SGCZ: variants seen among roughly 807,000 people sequenced by gnomAD.
The protein encoded by SGCZ is sarcoglycan zeta.
In SGCZ, 40 loss-of-function variants were observed where a neutral mutation model predicts 41.3. The observed-to-expected ratio is 0.97, with a 90% CI of 0.75 to 1.26. The LOEUF (loss-of-function observed/expected upper bound fraction) is 1.26, where lower values mean the gene tolerates loss of function less well. SGCZ is among the 50% of genes most tolerant of loss of function. The pLI is 0.00. For synonymous variants in SGCZ, 206 were observed against 137.5 expected (o/e 1.50, Z -3.49); for missense variants, 552 against 369.8 (o/e 1.49, Z -4.04).
chr8:14,194,088 G>A (rs1287010268), intron 4 of SGCZ, among the ~76,000 whole-genome samples: 1 of 151,594 alleles, frequency 6.6e-6, no homozygotes, highest in Admixed American at 6.6e-5. Flanking sequence ...GAAACATTCT[G>A]TGAAAAACTA....
intron 1 of SGCZ, among the ~76,000 whole-genome samples, chr8:15,066,035 G>A (rs1010363139): frequency 2.0e-5 from 3 of 152,004 alleles, no homozygotes; most frequent in Non-Finnish European, 2.9e-5. Context: ...TGGGCCGGGC[G>A]CGGTGGCTCA....
At chr8:14,756,271 C>T (rs544545718) in intron 1 of SGCZ, among the ~76,000 whole-genome samples, 7 of 151,514 alleles carry the variant, frequency 4.6e-5, no homozygotes, top group Admixed American at 2.6e-4. Flanking sequence ...CCACAATCTC[C>T]GCCTCCCACG....
At chr8:14,273,421 C>A (rs974726963) in intron 3 of SGCZ, among the ~76,000 whole-genome samples, 2 of 152,100 alleles carry the variant, frequency 1.3e-5, no homozygotes, top group African/African-American at 2.4e-5. Flanking sequence ...ATTTCTCCCA[C>A]ACAAATATCC....
intron 1 of SGCZ, among the ~76,000 whole-genome samples, chr8:14,693,662 C>A (rs755598363): frequency 1.4e-5 from 2 of 142,654 alleles, no homozygotes; most frequent in Non-Finnish European, 3.0e-5. Context: ...GCGATCTCAG[C>A]TCACTGCAAG....
intron 1 of SGCZ, among the ~76,000 whole-genome samples, chr8:14,899,235 A>C (rs17120501): frequency 0.054 from 8,264 of 152,172 alleles, 277 homozygotes; most frequent in Admixed American, 0.079. Context: ...TATCCACTTT[A>C]TTAACTTGCA....
chr8:14,358,446 C>T (rs1225706205), intron 2 of SGCZ, among the ~76,000 whole-genome samples: 3 of 151,928 alleles, frequency 2.0e-5, no homozygotes, highest in Non-Finnish European at 4.4e-5. Context: ...TTACTGTCAC[C>T]AGATGGTAAC....
chr8:14,853,997 G>A (rs1180080489), intron 1 of SGCZ, among the ~76,000 whole-genome samples: 3 of 131,918 alleles, frequency 2.3e-5, no homozygotes, highest in Admixed American at 8.3e-5. Flanking sequence ...ATTTTGTAAC[G>A]ACATCAGTTT....
chr8:14,765,416 G>T (rs1051687185), intron 1 of SGCZ, among the ~76,000 whole-genome samples: 1 of 152,116 alleles, frequency 6.6e-6, no homozygotes, highest in Admixed American at 6.6e-5. Flanking sequence ...ATATGCTATA[G>T]AGATGAGGCC....
intron 3 of SGCZ, among the ~76,000 whole-genome samples, chr8:14,300,323 A>G (rs904778936): frequency 6.6e-6 from 1 of 151,556 alleles, no homozygotes; most frequent in Admixed American, 6.6e-5. Context: ...GGAAAGAACA[A>G]AGAGAGAGAC....
chr8:15,047,126 T>A (rs984620055), intron 1 of SGCZ, among the ~76,000 whole-genome samples: 1 of 152,036 alleles, frequency 6.6e-6, no homozygotes, highest in Non-Finnish European at 1.5e-5. Flanking sequence ...TTACCTTGGG[T>A]ATATGCAATG....
chr8:14,182,585 C>T (rs537060337), intron 4 of SGCZ, among the ~76,000 whole-genome samples: 8 of 151,590 alleles, frequency 5.3e-5, no homozygotes, highest in Admixed American at 6.6e-5. Flanking sequence ...TATTATAGTA[C>T]GAAGGTTTTC....
intron 1 of SGCZ, among the ~76,000 whole-genome samples, chr8:14,703,349 CCTT>C (rs1186087153): frequency 6.6e-6 from 1 of 151,862 alleles, no homozygotes; most frequent in African/African-American, 2.4e-5. Flanking sequence ...GTGTGTGTTC[CCTT>C]CTTTGCCTGG....
At chr8:14,336,203 A>G (rs984646747) in intron 2 of SGCZ, among the ~76,000 whole-genome samples, 1 of 152,122 alleles carries the variant, frequency 6.6e-6, no homozygotes, top group Non-Finnish European at 1.5e-5. Flanking sequence ...TGCTAAGGAT[A>G]ATGGCCTCTA....
chr8:14,397,844 T>C (rs1047311621), intron 2 of SGCZ, among the ~76,000 whole-genome samples: 5 of 152,152 alleles, frequency 3.3e-5, no homozygotes, highest in Non-Finnish European at 7.4e-5. Context: ...TCTAAGATTG[T>C]CAACCCTGAG....
chr8:14,828,706 G>T (rs1490080873), intron 1 of SGCZ, among the ~76,000 whole-genome samples: 1 of 152,172 alleles, frequency 6.6e-6, no homozygotes, highest in Non-Finnish European at 1.5e-5. Context: ...AAGGCATTTT[G>T]CTTCTTGACT....
chr8:14,781,511 G>A (rs897440825), intron 1 of SGCZ, among the ~76,000 whole-genome samples: 3 of 152,210 alleles, frequency 2.0e-5, no homozygotes, highest in South Asian at 4.1e-4. Context: ...TTTACAGCCT[G>A]AGCCACCACG....
At chr8:14,326,257 T>A (rs923020008) in intron 2 of SGCZ, among the ~76,000 whole-genome samples, 2 of 151,958 alleles carry the variant, frequency 1.3e-5, no homozygotes, top group East Asian at 3.9e-4. Flanking sequence ...ATATCTTTTA[T>A]GTGTTCAGGG....
At chr8:14,975,765 C>A (rs964578535) in intron 1 of SGCZ, among the ~76,000 whole-genome samples, 2 of 145,318 alleles carry the variant, frequency 1.4e-5, no homozygotes. Flanking sequence ...AATATAATAT[C>A]TGTAACTCCA....
At chr8:15,030,606 T>C (rs1045329678) in intron 1 of SGCZ, among the ~76,000 whole-genome samples, 1 of 152,152 alleles carries the variant, frequency 6.6e-6, no homozygotes, top group African/African-American at 2.4e-5. Context: ...AAGACATTCG[T>C]TAAGTGGAGT....
Sources: gnomAD v4.1 joint callset for allele counts (sites outside exome capture counted in the v4.1 genomes callset) on GRCh38, gnomAD v4.1.1 for gene constraint, MANE v1.5 for transcripts, NCBI Gene and HGNC (gene_info 2026-07-23, HGNC 2026-07-21) for gene names.